Variants in BATF observed in about 807,000 individuals in gnomAD.
The protein encoded by BATF is basic leucine zipper ATF-like transcription factor.
BATF carries 5 observed loss-of-function variants against 13.7 expected under a neutral mutation model. That is an observed-to-expected ratio of 0.36 (90% confidence interval 0.19 to 0.77). The LOEUF is 0.77. BATF is among the 30% of genes least tolerant of loss of function. The probability of loss-of-function intolerance (pLI) is 0.51; values close to 1 mark genes in which losing one functional copy is unlikely to be tolerated. For missense variants in BATF, 124 were observed against 163.0 expected, an observed-to-expected ratio of 0.76 and a Z score of 1.30; for synonymous variants, 72 against 67.5, an observed-to-expected ratio of 1.07 and a Z score of -0.33.
rs55834315 is a variant in BATF at position 75,544,792 on chromosome 14, A to ATTT, written c.169-1650_169-1648dup. Among the ~76,000 whole-genome samples the ATTT allele has an allele frequency of 4.9e-3, 663 of 134,040 alleles. 18 individuals carry two copies. Among genetic ancestry groups the ATTT allele is most frequent in the South Asian group, 0.018 (79 of 4,344 alleles). The allele number at this position is 134,040 out of a possible 152,430, so 87.9% of individuals were successfully genotyped here. On this transcript the variant is annotated intron_variant, in intron 2 of 2. Coordinates refer to ENST00000286639, the MANE Select transcript of BATF (RefSeq NM_006399.5). ...ATATCAGGTTGCCTTTTGAACTGAAATTTTTTTTTTTTTTTTTTTTTTGCA... is the reference window on the plus strand; with the variant it reads ...ATATCAGGTTGCCTTTTGAACTGAAATTTTTTTTTTTTTTTTTTTTTTTTTGCA...
chr14:75,540,943 C>A (rs182341543), intron 2 of BATF, among the ~76,000 whole-genome samples: 37 of 152,150 alleles, frequency 2.4e-4, no homozygotes, highest in African/African-American at 8.0e-4. Context: ...AAAAGTTAGC[C>A]AAGTGTATTG....
rs1171873301 is a variant in BATF, at chr14:75,546,680, T to G, written c.*9T>G. On this transcript the variant is annotated 3_prime_UTR_variant, in exon 3 of 3. Transcript: ENST00000286639. The stretch of plus-strand genomic sequence containing the variant: ...CGCGCTTCCAGCCCTGAGCTTCCGA[T>G]GCGGGGAGAGCAGAGCCTCGGGAGG... The G allele has an allele frequency of 6.3e-7, 1 of 1,577,558 alleles. No individual in the cohort carries two copies. The highest frequency in any genetic ancestry group is 8.6e-7 in the Non-Finnish European group (1 of 1,162,084).
At chr14:75,528,674 G>A (rs976676663) in intron 2 of BATF, among the ~76,000 whole-genome samples, 2 of 152,174 alleles carry the variant, frequency 1.3e-5, no homozygotes, top group African/African-American at 4.8e-5. Flanking sequence ...ATTGTATATA[G>A]TACAGATGTT....
At chr14:75,523,634 C>T (rs190301883) in intron 1 of BATF, among the ~76,000 whole-genome samples, 75 of 152,352 alleles carry the variant, frequency 4.9e-4, no homozygotes, top group Admixed American at 2.4e-3. Flanking sequence ...GGAAGCCCTC[C>T]TCTTTCTCAT....
At chr14:75,543,856 AC>A (rs1230415809) in intron 2 of BATF, among the ~76,000 whole-genome samples, 2 of 151,772 alleles carry the variant, frequency 1.3e-5, no homozygotes, top group African/African-American at 4.8e-5. Context: ...AAACCAAAAA[AC>A]TGCTGGGCTC....
At chr14:75,536,491 C>T (rs1595006462) in intron 2 of BATF, among the ~76,000 whole-genome samples, 1 of 151,894 alleles carries the variant, frequency 6.6e-6, no homozygotes, top group Admixed American at 6.6e-5. Flanking sequence ...TTTGGGAGGC[C>T]GAGTTGGTTG....
intron 2 of BATF, among the ~76,000 whole-genome samples, chr14:75,527,631 G>C (rs1887672746): frequency 6.6e-6 from 1 of 152,216 alleles, no homozygotes; most frequent in Non-Finnish European, 1.5e-5. Flanking sequence ...ACAAATGTCA[G>C]AGCCCAAAGA....
At chr14:75,527,056 G>A (rs1322132205) in intron 2 of BATF, among the ~76,000 whole-genome samples, 1 of 152,182 alleles carries the variant, frequency 6.6e-6, no homozygotes, top group Non-Finnish European at 1.5e-5. Context: ...CCTACTATCT[G>A]TGTGACAGAG....
chr14:75,529,609 AAAAAGT>A (rs1304154288), intron 2 of BATF, among the ~76,000 whole-genome samples: 4 of 152,268 alleles, frequency 2.6e-5, no homozygotes, highest in African/African-American at 4.8e-5. Context: ...TTTTATTCAT[AAAAAGT>A]AAAAGTTTCT....
chr14:75,527,692 G>T (rs984147312), intron 2 of BATF, among the ~76,000 whole-genome samples: 1 of 152,144 alleles, frequency 6.6e-6, no homozygotes, highest in Non-Finnish European at 1.5e-5. Context: ...AATCTCTAGA[G>T]CTTGAGGGTC....
chr14:75,536,676 T>C (rs920278961), intron 2 of BATF, among the ~76,000 whole-genome samples: 1 of 151,048 alleles, frequency 6.6e-6, no homozygotes, highest in Non-Finnish European at 1.5e-5. Context: ...TGAGTTGTGA[T>C]AGCACCACTG....
intron 2 of BATF, among the ~76,000 whole-genome samples, chr14:75,544,335 T>C (rs892681489): frequency 6.6e-6 from 1 of 151,742 alleles, no homozygotes; most frequent in African/African-American, 2.4e-5. Context: ...GAGACCAAGG[T>C]GGGCAGATCC....
At chr14:75,530,343 A>T (rs1017540836) in intron 2 of BATF, among the ~76,000 whole-genome samples, 3 of 152,218 alleles carry the variant, frequency 2.0e-5, no homozygotes, top group Non-Finnish European at 2.9e-5. Context: ...TTCAAATTAT[A>T]GGTGCACATA....
chr14:75,532,841 A>G (rs1395534416), intron 2 of BATF, among the ~76,000 whole-genome samples: 1 of 152,212 alleles, frequency 6.6e-6, no homozygotes, highest in East Asian at 1.9e-4. Flanking sequence ...TAACCCTTTC[A>G]CGTAAAATTT....
rs149020811 is a variant in BATF, at chr14:75,540,199, G to A, written c.169-6263G>A. Among the ~76,000 whole-genome samples, 226 of 152,288 alleles carry A rather than the reference G, an allele frequency of 1.5e-3. 1 individual carries two copies. Among genetic ancestry groups the A allele is most frequent in the African/African-American group, 5.1e-3 (213 of 41,570 alleles). The stretch of plus-strand genomic sequence containing the variant: ...CCTGGACAGTCCCCACCAGGGCCCA[G>A]CTAGGAAATGCCAGCCTTGTCCTTG... On this transcript the variant is annotated intron_variant, in intron 2 of 2. Coordinates refer to ENST00000286639, the MANE Select transcript of BATF (RefSeq NM_006399.5).
intron 2 of BATF, 64 bp from the exon 3 acceptor site, chr14:75,546,398 G>A: frequency 1.3e-6 from 2 of 1,561,258 alleles, no homozygotes; most frequent in East Asian, 2.3e-5. Flanking sequence ...GTGTCCCTCC[G>A]CACCCCACCC....
chr14:75,526,273 A>G (rs143477054), intron 2 of BATF, among the ~76,000 whole-genome samples: 1 of 152,020 alleles, frequency 6.6e-6, no homozygotes, highest in Non-Finnish European at 1.5e-5. Context: ...TGTTCAACCA[A>G]CTCTTCACTA....
intron 2 of BATF, among the ~76,000 whole-genome samples, chr14:75,528,997 A>T (rs551113872): frequency 6.6e-6 from 1 of 152,346 alleles, no homozygotes; most frequent in East Asian, 1.9e-4. Context: ...GGAAAGATAT[A>T]CCTTATGTAA....
chr14:75,539,310 G>A (rs1179216239), intron 2 of BATF, among the ~76,000 whole-genome samples: 1 of 152,036 alleles, frequency 6.6e-6, no homozygotes, highest in Admixed American at 6.5e-5. Context: ...TTTTTGGTAG[G>A]AAGGGAAGCT....
Sources: gnomAD v4.1 joint callset for allele counts (sites outside exome capture counted in the v4.1 genomes callset) on GRCh38, gnomAD v4.1.1 for gene constraint, MANE v1.5 for transcripts, NCBI Gene and HGNC (gene_info 2026-07-23, HGNC 2026-07-21) for gene names.